Variants in RAF1 observed in about 807,000 individuals in gnomAD.
RAF1 encodes the protein RAF proto-oncogene serine/threonine-protein kinase.
In RAF1, 27 loss-of-function variants were observed where a neutral mutation model predicts 81.1. The ratio of observed to expected loss-of-function variants is 0.33; its 90% confidence interval spans 0.25 to 0.46. The LOEUF is 0.46. RAF1 is among the 20% of genes least tolerant of loss of function. The pLI, the probability that RAF1 is intolerant of heterozygous loss-of-function variation, is 1.00. For synonymous variants in RAF1, 298 were observed against 294.0 expected, an observed-to-expected ratio of 1.01 and a Z score of -0.14; for missense variants, 598 against 826.0, an observed-to-expected ratio of 0.72 and a Z score of 3.38.
At chr3:12,608,532 C>G in intron 5 of RAF1, 1 of 562,148 alleles carries the variant, frequency 1.8e-6, no homozygotes, top group Non-Finnish European at 3.2e-6. Flanking sequence ...CACAGTATGT[C>G]AATCTCAATT....
At chr3:12,599,315 A>G (rs1297271409) in intron 11 of RAF1, 3 of 219,224 alleles carry the variant, frequency 1.4e-5, no homozygotes, top group Non-Finnish European at 2.8e-5. Flanking sequence ...TCCCCATTTC[A>G]ATCTCTAAGG....
intron 12 of RAF1, among the ~76,000 whole-genome samples, chr3:12,591,269 TC>T (rs1236324350): frequency 6.6e-6 from 1 of 152,200 alleles, no homozygotes; most frequent in African/African-American, 2.4e-5. Context: ...TCACAAGGAC[TC>T]CTTGTAGAAG....
At chr3:12,611,383 A>C (rs1328616279) in intron 3 of RAF1, among the ~76,000 whole-genome samples, 1 of 152,046 alleles carries the variant, frequency 6.6e-6, no homozygotes, top group Non-Finnish European at 1.5e-5. Flanking sequence ...ATGCCTGGCT[A>C]ATTTTTAAAA....
intron 15 of RAF1, 29 bp downstream of exon 14, chr3:12,585,652 A>C: frequency 6.5e-7 from 1 of 1,545,962 alleles, no homozygotes; most frequent in Non-Finnish European, 8.9e-7. Flanking sequence ...CCTATACCAG[A>C]GACTGCTGGT....
intron 1 of RAF1, among the ~76,000 whole-genome samples, chr3:12,638,784 C>A (rs1205125439): frequency 6.6e-6 from 1 of 152,134 alleles, no homozygotes; most frequent in Non-Finnish European, 1.5e-5. Flanking sequence ...GCCTGTAATC[C>A]CAACACTTTG....
At chr3:12,633,126 AAT>A (rs2059911023) in intron 1 of RAF1, among the ~76,000 whole-genome samples, 1 of 152,132 alleles carries the variant, frequency 6.6e-6, no homozygotes, top group Non-Finnish European at 1.5e-5. Flanking sequence ...CTTTTAAAAA[AAT>A]AAAGAGGTTG....
chr3:12,607,477 G>A (rs141225289), intron 5 of RAF1, among the ~76,000 whole-genome samples: 2,920 of 151,970 alleles, frequency 0.019, 93 homozygotes, highest in African/African-American at 0.066. Context: ...CTGAAACCCC[G>A]TCTCTAGAAA....
chr3:12,630,762 G>A (rs749594096), intron 1 of RAF1, among the ~76,000 whole-genome samples: 1 of 152,192 alleles, frequency 6.6e-6, no homozygotes, highest in Non-Finnish European at 1.5e-5. Context: ...GGAAGCCACT[G>A]AAAGGTCTTG....
chr3:12,663,559 G>A (rs2060951339), intron 1 of RAF1, among the ~76,000 whole-genome samples: 1 of 152,252 alleles, frequency 6.6e-6, no homozygotes, highest in South Asian at 2.1e-4. Context: ...GCATAAGGGT[G>A]GCGTTGGCAC....
chr3:12,586,040 C>T lies in RAF1; in HGVS notation c.1478-241G>A, dbSNP rs113102168. 2,024 of 491,838 alleles carry T rather than the reference C, an allele frequency of 4.1e-3. 26 individuals carry two copies. The highest frequency in any genetic ancestry group is 0.036 in the African/African-American group (1,862 of 51,692). The allele number at this position is 491,838 out of a possible 1,614,324, so 30.5% of individuals were successfully genotyped here. A position where few individuals can be genotyped will look rare whatever the true frequency, so the allele number is the denominator to read the frequency against. Reference sequence around the variant, plus strand: ...TTGGCCCTAGCCAAAAGCAAGCCAGCGTTTCTTCCCTGCTTCTTCTCCCCA... The same window carrying T: ...TTGGCCCTAGCCAAAAGCAAGCCAGTGTTTCTTCCCTGCTTCTTCTCCCCA... On this transcript the variant is annotated intron_variant, in intron 14 of 17. Coordinates refer to ENST00000442415, the MANE Select transcript of RAF1 (RefSeq NM_001354689.3).
At chr3:12,608,086 A>G (rs1227212370) in intron 5 of RAF1, among the ~76,000 whole-genome samples, 1 of 152,092 alleles carries the variant, frequency 6.6e-6, no homozygotes, top group Non-Finnish European at 1.5e-5. Flanking sequence ...CATTTTCATC[A>G]TGGTCTAATA....
chr3:12,585,037 C>G (rs2125320541), intron 16 of RAF1, 56 bp from the exon 16 acceptor site: 2 of 1,613,720 alleles, frequency 1.2e-6, no homozygotes, highest in Non-Finnish European at 8.5e-7. Context: ...CAGATAATAA[C>G]AAGTCCTAAC....
rs146033523 is a variant in RAF1 at position 12,655,998 on chromosome 3, C to T, written c.-27+7815G>A. Among the ~76,000 whole-genome samples, 718 of 151,140 alleles carry T rather than the reference C, an allele frequency of 4.8e-3. 8 individuals are homozygous for T. Among genetic ancestry groups the T allele is most frequent in the African/African-American group, 0.016 (666 of 41,108 alleles). On this transcript the variant is annotated intron_variant, in intron 1 of 17. Transcript: ENST00000442415. Reference sequence around the variant, plus strand: ...AAAAGGTTCTGGAAACGAGTAGTGGCGATGGTTTTAAGACATTGTGAATGT... The same window carrying T: ...AAAAGGTTCTGGAAACGAGTAGTGGTGATGGTTTTAAGACATTGTGAATGT...
At chr3:12,647,609 CAAACA>C (rs1450510964) in intron 1 of RAF1, among the ~76,000 whole-genome samples, 1 of 151,048 alleles carries the variant, frequency 6.6e-6, no homozygotes, top group Non-Finnish European at 1.5e-5. Flanking sequence ...AACAAACAAA[CAAACA>C]AAACAAATAA....
At chr3:12,640,667 C>A (rs940082020) in intron 1 of RAF1, among the ~76,000 whole-genome samples, 2 of 152,154 alleles carry the variant, frequency 1.3e-5, no homozygotes, top group African/African-American at 2.4e-5. Flanking sequence ...CAATGACATA[C>A]CATCTCACAC....
At chr3:12,624,007 A>T (rs368895358) in intron 1 of RAF1, among the ~76,000 whole-genome samples, 1 of 151,672 alleles carries the variant, frequency 6.6e-6, no homozygotes, top group Admixed American at 6.6e-5. Flanking sequence ...GGCATGTACC[A>T]CCACACCTGG....
chr3:12,626,857 C>T (rs2059717692), intron 1 of RAF1, among the ~76,000 whole-genome samples: 1 of 151,546 alleles, frequency 6.6e-6, no homozygotes, highest in South Asian at 2.1e-4. Flanking sequence ...AACCCCATCC[C>T]TACTAAAAAT....
chr3:12,607,469 G>A (rs1210397495), intron 5 of RAF1, among the ~76,000 whole-genome samples: 2 of 152,048 alleles, frequency 1.3e-5, no homozygotes, highest in African/African-American at 4.8e-5. Flanking sequence ...GCAACATGCT[G>A]AAACCCCGTC....
At chr3:12,598,691 A>T (rs868783176) in intron 11 of RAF1, among the ~76,000 whole-genome samples, 13 of 134,750 alleles carry the variant, frequency 9.6e-5, no homozygotes, top group African/African-American at 3.7e-4. Context: ...GTGCCACTGT[A>T]CTCCAGCCTG....
Sources: allele counts gnomAD v4.1 joint callset (sites outside exome capture counted in the v4.1 genomes callset), GRCh38; gene constraint gnomAD v4.1.1; transcripts MANE v1.5; gene names NCBI Gene and HGNC (gene_info 2026-07-23, HGNC 2026-07-21).